The following FER variants were observed in gnomAD, a reference collection of about 807,000 sequenced individuals.
The protein encoded by FER is tyrosine-protein kinase Fer.
Under a neutral mutation model 111.0 loss-of-function variants are expected in FER, and 63 were observed. The ratio of observed to expected loss-of-function variants is 0.57; its 90% confidence interval spans 0.46 to 0.70. The LOEUF (loss-of-function observed/expected upper bound fraction) is 0.70. FER is among the 30% of genes least tolerant of loss of function. FER has a pLI of 0.00. For missense variants in FER, 914 were observed against 954.0 expected, an observed-to-expected ratio of 0.96 and a Z score of 0.55; for synonymous variants, 327 against 313.9, an observed-to-expected ratio of 1.04 and a Z score of -0.44.
At chr5:109,062,508 A>G (rs1170980812) in intron 16 of FER, among the ~76,000 whole-genome samples, 1 of 152,176 alleles carries the variant, frequency 6.6e-6, no homozygotes, top group African/African-American at 2.4e-5. Flanking sequence ...TCTGGGTGAC[A>G]GAGTGAGAAT....
intron 13 of FER, among the ~76,000 whole-genome samples, chr5:108,986,085 CTATGCCAACATG>C (rs1162310312): frequency 1.3e-5 from 2 of 152,156 alleles, no homozygotes; most frequent in African/African-American, 4.8e-5. Context: ...TTCACCACAT[CTATGCCAACATG>C]TATTATTTTT....
Position 109,159,562 on chromosome 5 carries a change from A to T in FER, c.2049-21185A>T, listed in dbSNP as rs1582312969. On this transcript the variant is annotated intron_variant, in intron 17 of 19. Coordinates refer to ENST00000281092, the MANE Select transcript of FER (RefSeq NM_005246.4). Reference sequence around the variant, plus strand: ...TCAAGAAAAATATAAAATAGATGTTAATTTATAAGACAATAATTGTCAAGT... The same window carrying T: ...TCAAGAAAAATATAAAATAGATGTTTATTTATAAGACAATAATTGTCAAGT... Among the ~76,000 whole-genome samples, 3 of 152,314 alleles carry T rather than the reference A, an allele frequency of 2.0e-5. No homozygotes were observed. The East Asian group carries it at 5.8e-4, about 29-fold the overall frequency.
intron 7 of FER, 108 bp downstream of exon 7, chr5:108,871,610 A>G (rs1764606518): frequency 1.3e-6 from 1 of 758,802 alleles, no homozygotes; most frequent in African/African-American, 1.8e-5. Flanking sequence ...TTATTAAGAC[A>G]TAGAATATTT....
At chr5:108,947,295 A>G (rs576175641) in intron 11 of FER, among the ~76,000 whole-genome samples, 36 of 152,152 alleles carry the variant, frequency 2.4e-4, no homozygotes, top group African/African-American at 7.5e-4. Context: ...TGGTAATTAT[A>G]CCATTTTACA....
rs76379925 is a variant in FER at position 108,834,952 on chromosome 5, A to C, written c.382-756A>C. On this transcript the variant is annotated intron_variant, in intron 4 of 19. Transcript: ENST00000281092. Reference sequence around the variant, plus strand: ...AGGTTTTGATGCTTTCTCTTTCTTAATCTTCTCAAATGGCAAATTTGAAGA... The same window carrying C: ...AGGTTTTGATGCTTTCTCTTTCTTACTCTTCTCAAATGGCAAATTTGAAGA... 1.6e-3 allele frequency among the ~76,000 whole-genome samples: 242 copies of C among 152,170 alleles called. 5 individuals are homozygous for C. In the East Asian group the frequency reaches 0.021, roughly 13 times the overall value.
At chr5:108,860,940 T>TA (rs1301517466) in intron 5 of FER, among the ~76,000 whole-genome samples, 2 of 152,076 alleles carry the variant, frequency 1.3e-5, no homozygotes, top group South Asian at 4.1e-4. Context: ...AACCACCAGA[T>TA]CTTCTGAGAA....
At chr5:108,771,276 T>C (rs1438763132) in intron 2 of FER, among the ~76,000 whole-genome samples, 2 of 152,184 alleles carry the variant, frequency 1.3e-5, no homozygotes, top group African/African-American at 2.4e-5. Context: ...AAAGTTAGTG[T>C]GTGTGCTGTC....
chr5:108,957,069 C>T (rs1687440181), intron 12 of FER, among the ~76,000 whole-genome samples: 1 of 151,554 alleles, frequency 6.6e-6, no homozygotes, highest in Non-Finnish European at 1.5e-5. Flanking sequence ...GGAGTTAGAA[C>T]ACTTGGCTTT....
At chr5:109,034,258 A>G (rs1437715692) in intron 13 of FER, among the ~76,000 whole-genome samples, 1 of 152,134 alleles carries the variant, frequency 6.6e-6, no homozygotes, top group African/African-American at 2.4e-5. Flanking sequence ...TCAATTATCT[A>G]AGGACACTGA....
At chr5:108,924,510 T>C in intron 10 of FER, 1 of 907,358 alleles carries the variant, frequency 1.1e-6, no homozygotes, top group Non-Finnish European at 1.4e-6. Context: ...AACTGACTAG[T>C]ATACTTCCAT....
At chr5:108,798,019 GTT>G (rs367745679) in intron 2 of FER, 103 bp from the exon 3 acceptor site, 1,145 of 404,358 alleles carry the variant, frequency 2.8e-3, no homozygotes, top group Middle Eastern at 5.1e-3. Flanking sequence ...ATTCAGTTGT[GTT>G]TTTTTTTTTT....
At chr5:108,862,004 G>A (rs983365831) in intron 5 of FER, among the ~76,000 whole-genome samples, 1 of 152,160 alleles carries the variant, frequency 6.6e-6, no homozygotes, top group Non-Finnish European at 1.5e-5. Context: ...TAATGTGCAT[G>A]CATAAGTATG....
intron 16 of FER, among the ~76,000 whole-genome samples, chr5:109,052,705 T>C (rs924195428): frequency 6.6e-6 from 1 of 152,246 alleles, no homozygotes; most frequent in African/African-American, 2.4e-5. Context: ...CAGGCACACC[T>C]GGATAATCTT....
At chr5:108,954,978 T>C in intron 12 of FER, 46 bp downstream of exon 12, 2 of 1,467,616 alleles carry the variant, frequency 1.4e-6, no homozygotes, top group Non-Finnish European at 1.9e-6. Context: ...TGTAGTTCAT[T>C]GCGGTACAAT....
At chr5:108,869,700 A>G (rs1327398518) in intron 6 of FER, among the ~76,000 whole-genome samples, 1 of 152,086 alleles carries the variant, frequency 6.6e-6, no homozygotes, top group Non-Finnish European at 1.5e-5. Flanking sequence ...TTACATACAA[A>G]TATTTCAGAT....
intron 17 of FER, among the ~76,000 whole-genome samples, chr5:109,141,121 C>G (rs1168946028): frequency 6.6e-6 from 1 of 152,156 alleles, no homozygotes; most frequent in East Asian, 1.9e-4. Context: ...GGTGGCCCCT[C>G]TTACCTTGTA....
At chr5:108,807,458 A>G (rs573358211) in intron 3 of FER, among the ~76,000 whole-genome samples, 200 of 152,232 alleles carry the variant, frequency 1.3e-3, no homozygotes, top group African/African-American at 4.3e-3. Flanking sequence ...TCTGTGGATC[A>G]GTTTTGATGT....
At chr5:108,856,655 C>T (rs950192877) in intron 5 of FER, among the ~76,000 whole-genome samples, 1 of 152,100 alleles carries the variant, frequency 6.6e-6, no homozygotes, top group Non-Finnish European at 1.5e-5. Flanking sequence ...CTCACATAAC[C>T]TAGGACACCA....
chr5:109,053,933 C>T (rs564665882), intron 16 of FER, among the ~76,000 whole-genome samples: 20 of 152,044 alleles, frequency 1.3e-4, no homozygotes, highest in Middle Eastern at 6.8e-3. Flanking sequence ...CCTCGTGATC[C>T]GCCCGCCTCG....
Sources: gnomAD v4.1 joint callset for allele counts (sites outside exome capture counted in the v4.1 genomes callset) on GRCh38, gnomAD v4.1.1 for gene constraint, MANE v1.5 for transcripts, NCBI Gene and HGNC (gene_info 2026-07-23, HGNC 2026-07-21) for gene names.